DAAM1: variants seen among roughly 807,000 people sequenced by gnomAD.
The protein encoded by DAAM1 is dishevelled associated activator of morphogenesis 1, also known as disheveled-associated activator of morphogenesis 1.
DAAM1 carries 52 observed loss-of-function variants against 130.0 expected under a neutral mutation model. The observed-to-expected ratio is 0.40, with a 90% confidence interval of 0.32 to 0.50. The LOEUF is 0.50. Among genes scored for constraint, DAAM1 ranks in the 20% least tolerant of loss-of-function variants. The pLI, the probability that DAAM1 is intolerant of heterozygous loss-of-function variation, is 0.61. For missense variants in DAAM1, 1,134 were observed against 1,303.8 expected, an observed-to-expected ratio of 0.87 and a Z score of 2.01; for synonymous variants, 452 against 444.5, an observed-to-expected ratio of 1.02 and a Z score of -0.21.
At chr14:59,247,561 T>A (rs1284899056) in intron 1 of DAAM1, among the ~76,000 whole-genome samples, 1 of 152,202 alleles carries the variant, frequency 6.6e-6, no homozygotes, top group Non-Finnish European at 1.5e-5. Flanking sequence ...TCAGAAATGT[T>A]TTTTAGTTTT....
intron 3 of DAAM1, among the ~76,000 whole-genome samples, chr14:59,304,911 AG>A (rs1884315636): frequency 6.6e-6 from 1 of 152,196 alleles, no homozygotes; most frequent in South Asian, 2.1e-4. Context: ...TCTTTTCCAA[AG>A]GGTCCTCTCT....
At chr14:59,339,198 A>G (rs1287604904) in intron 15 of DAAM1, among the ~76,000 whole-genome samples, 1 of 152,222 alleles carries the variant, frequency 6.6e-6, no homozygotes, top group African/African-American at 2.4e-5. Flanking sequence ...AAGATTCTTT[A>G]TCTTTGTGTA....
At chr14:59,320,094 A>G (rs1478064309) in intron 4 of DAAM1, among the ~76,000 whole-genome samples, 1 of 152,196 alleles carries the variant, frequency 6.6e-6, no homozygotes, top group Non-Finnish European at 1.5e-5. Flanking sequence ...TTTGGTCTTG[A>G]TTACACTTTT....
intron 17 of DAAM1, among the ~76,000 whole-genome samples, chr14:59,351,363 C>G (rs1886287690): frequency 6.6e-6 from 1 of 152,172 alleles, no homozygotes; most frequent in Non-Finnish European, 1.5e-5. Flanking sequence ...AACGTAAACT[C>G]ACTCTCCTAC....
At chr14:59,224,680 G>T (rs1015415507) in intron 1 of DAAM1, among the ~76,000 whole-genome samples, 2 of 152,240 alleles carry the variant, frequency 1.3e-5, no homozygotes, top group Non-Finnish European at 2.9e-5. Context: ...TGGAATTAAT[G>T]TATTTTGCAC....
chr14:59,193,770 G>A (rs1306076146), intron 1 of DAAM1, among the ~76,000 whole-genome samples: 1 of 152,184 alleles, frequency 6.6e-6, no homozygotes, highest in African/African-American at 2.4e-5. Flanking sequence ...TCTGGAATGT[G>A]CTTCCCTCTG....
intron 1 of DAAM1, among the ~76,000 whole-genome samples, chr14:59,222,352 A>G (rs1566655658): frequency 6.6e-6 from 1 of 152,206 alleles, no homozygotes; most frequent in South Asian, 2.1e-4. Flanking sequence ...TCCAGAGTCA[A>G]TGTCCATTCC....
chr14:59,287,085 C>T (rs758856969), intron 2 of DAAM1, among the ~76,000 whole-genome samples: 2 of 152,174 alleles, frequency 1.3e-5, no homozygotes, highest in African/African-American at 2.4e-5. Flanking sequence ...AGTTAATTCA[C>T]CACAATCAAG....
intron 20 of DAAM1, among the ~76,000 whole-genome samples, chr14:59,355,714 A>C (rs962907018): frequency 1.3e-5 from 2 of 152,182 alleles, no homozygotes; most frequent in Non-Finnish European, 2.9e-5. Context: ...TTCACAAATT[A>C]AACACACCTG....
intron 4 of DAAM1, among the ~76,000 whole-genome samples, chr14:59,315,837 G>T (rs1161418502): frequency 1.3e-5 from 2 of 152,114 alleles, no homozygotes; most frequent in African/African-American, 4.8e-5. Flanking sequence ...TAATAGATCA[G>T]GAATTCATAA....
intron 17 of DAAM1, among the ~76,000 whole-genome samples, chr14:59,351,553 C>G (rs1239687734): frequency 1.3e-5 from 2 of 152,144 alleles, no homozygotes; most frequent in African/African-American, 4.8e-5. Context: ...AGTATACACT[C>G]TGCCTGGAAT....
chr14:59,262,492 CTG>C (rs933056147), intron 1 of DAAM1, among the ~76,000 whole-genome samples: 32 of 152,256 alleles, frequency 2.1e-4, no homozygotes, highest in Admixed American at 3.9e-4. Flanking sequence ...CTCCAACCCT[CTG>C]TTTTTATTTT....
At chr14:59,356,176 C>T (rs1886474310) in intron 20 of DAAM1, among the ~76,000 whole-genome samples, 1 of 152,152 alleles carries the variant, frequency 6.6e-6, no homozygotes. Context: ...CTTCTTCATA[C>T]CCAAATTCTT....
chr14:59,336,957 C>T (rs2139644926), intron 15 of DAAM1, among the ~76,000 whole-genome samples: 1 of 152,266 alleles, frequency 6.6e-6, no homozygotes, highest in South Asian at 2.1e-4. Context: ...GACTGAGCCC[C>T]AAGCCACACA....
Position 59,368,652 on chromosome 14 carries a change from C to G in DAAM1, c.3000C>G (p.Leu1000=), listed in dbSNP as rs774769637. The change falls in exon 25 of 25, where the codon CTC becomes CTG. Residue 1000 remains leucine, a splice_region_variant and synonymous_variant. Transcript: ENST00000360909. Reference sequence around the variant, plus strand: ...AGGTTATTTCTTTCTATTTGCAGCTCAAAGAACAACGTGAAAGGGAACGTA... The same window carrying G: ...AGGTTATTTCTTTCTATTTGCAGCTGAAAGAACAACGTGAAAGGGAACGTA... ...EERRARMEAQ[L]KEQRERERKM... The G allele has an allele frequency of 6.2e-7, 1 of 1,611,592 alleles. No individual in the cohort carries two copies.
intron 3 of DAAM1, among the ~76,000 whole-genome samples, chr14:59,293,332 G>A (rs1176303388): frequency 1.3e-5 from 2 of 152,168 alleles, no homozygotes; most frequent in African/African-American, 4.8e-5. Context: ...GCAAACCCTG[G>A]AGAATAGTAA....
chr14:59,243,689 A>G (rs1178208395), intron 1 of DAAM1, among the ~76,000 whole-genome samples: 1 of 152,224 alleles, frequency 6.6e-6, no homozygotes, highest in African/African-American at 2.4e-5. Flanking sequence ...GGTTTGCCTT[A>G]CTGGATGTTT....
chr14:59,266,692 C>A (rs990784710), intron 2 of DAAM1, among the ~76,000 whole-genome samples: 2 of 152,152 alleles, frequency 1.3e-5, no homozygotes, highest in Non-Finnish European at 1.5e-5. Flanking sequence ...TAAGGGGTGG[C>A]CTGGCCAAGA....
intron 1 of DAAM1, among the ~76,000 whole-genome samples, chr14:59,225,563 TG>T (rs1193848435): frequency 4.6e-5 from 7 of 152,178 alleles, no homozygotes; most frequent in Admixed American, 2.0e-4. Context: ...TCCATGAATT[TG>T]TTTAGTACCA....
Sources: gnomAD v4.1 joint callset for allele counts (sites outside exome capture counted in the v4.1 genomes callset) on GRCh38, gnomAD v4.1.1 for gene constraint, MANE v1.5 for transcripts, NCBI Gene and HGNC (gene_info 2026-07-23, HGNC 2026-07-21) for gene names.